The following TNS3 variants were observed in gnomAD, a reference collection of about 807,000 sequenced individuals.
The protein encoded by TNS3 is tensin-3.
TNS3 carries 45 observed loss-of-function variants against 140.9 expected under a neutral mutation model. That is an observed-to-expected ratio of 0.32 (90% CI 0.25 to 0.41). The LOEUF (loss-of-function observed/expected upper bound fraction) is 0.41, where lower values mean the gene tolerates loss of function less well. TNS3 is among the 10% of genes least tolerant of loss of function. The probability of loss-of-function intolerance (pLI) is 1.00; values close to 1 mark genes in which losing one functional copy is unlikely to be tolerated. For missense variants in TNS3, 1,716 were observed against 1,906.7 expected, an observed-to-expected ratio of 0.90 and a Z score of 1.86; for synonymous variants, 815 against 788.4, an observed-to-expected ratio of 1.03 and a Z score of -0.56.
intron 4 of TNS3, among the ~76,000 whole-genome samples, chr7:47,463,585 C>T (rs1421774785): frequency 6.6e-6 from 1 of 152,194 alleles, no homozygotes; most frequent in African/African-American, 2.4e-5. Context: ...CTGGACATCA[C>T]ATCAGCACTA....
At chr7:47,363,139 TCATCACCATCATCATCATCA>T (rs1790481964) in intron 17 of TNS3, among the ~76,000 whole-genome samples, 2 of 76,380 alleles carry the variant, frequency 2.6e-5, no homozygotes, top group Non-Finnish European at 6.2e-5. Flanking sequence ...ATCACTGTCA[TCATCACCATCATCATCATCA>T]GTCATCACCA....
rs769600842 is a variant in TNS3 at position 47,346,355 on chromosome 7, G to C, written c.2283C>G (p.Gly761=). Residue 761 remains glycine (G), a splice_region_variant and synonymous_variant, in exon 18 of 31, where the codon GGC becomes GGG. Transcript: ENST00000311160. ...CGCCCAGGGGCTGTTCAGCAGAGGAGCCTGTTAAAAGGGAGACAAGCAGGC... is the reference window on the plus strand; with the variant it reads ...CGCCCAGGGGCTGTTCAGCAGAGGACCCTGTTAAAAGGGAGACAAGCAGGC... ...EGPSRATGRQ[G]SSAEQPLGGR... is the part of the protein sequence containing the mutation. 2 of 1,614,038 alleles carry C rather than the reference G, an allele frequency of 1.2e-6. No individual in the cohort carries two copies. The highest frequency in any genetic ancestry group is 4.5e-5 in the East Asian group (2 of 44,876).
Position 47,369,170 on chromosome 7 carries a change from G to T in TNS3, c.1476C>A (p.Ser492Arg), listed in dbSNP as rs112067281. 1.9e-6 allele frequency: 3 copies of T among 1,614,144 alleles called. No homozygotes were observed. Among genetic ancestry groups the T allele is most frequent in the Non-Finnish European group, 2.5e-6 (3 of 1,180,034 alleles). Residue 492 changes from serine to arginine, a missense_variant, in exon 17 of 31, where the codon AGC becomes AGA. Around this residue, in one of 3 missense-constraint regions of TNS3, gnomAD observed 1,163 missense variants for 1,182.1 expected, o/e 0.98. Transcript: ENST00000311160. ...MPHHDLHSVD[S>R]LGTLSSSEGP... ...CTTCCGAGGAGGACAGGGTCCCAAG[G>T]CTGTCCACACTGTGCAGGTCGTGGT...
At chr7:47,544,985 G>C (rs966313351) in intron 1 of TNS3, among the ~76,000 whole-genome samples, 2 of 151,934 alleles carry the variant, frequency 1.3e-5, no homozygotes, top group African/African-American at 4.8e-5. Context: ...CACGATGTTA[G>C]GACTTACTCT....
In TNS3 at chr7:47,359,433, C is replaced by A. The variant is rs373524537; in HGVS notation, c.2281+8932G>T. Among the ~76,000 whole-genome samples the A allele has an allele frequency of 6.6e-5, 10 of 152,094 alleles. No homozygotes were observed. The South Asian group carries it at 1.0e-3, about 16-fold the overall frequency. On this transcript the variant is annotated intron_variant, in intron 17 of 30. Transcript: ENST00000311160. ...TGACTTCAGGGGGTATAAGGTTTCC[C>A]TTTGGGATGACGACAAATTTCTGAA...
chr7:47,372,643 C>T (rs754212121), intron 16 of TNS3, among the ~76,000 whole-genome samples: 2 of 152,138 alleles, frequency 1.3e-5, no homozygotes, highest in Non-Finnish European at 2.9e-5. Flanking sequence ...TTACCATTGA[C>T]TAAACACTCC....
chr7:47,487,893 C>T (rs934269173), intron 3 of TNS3, among the ~76,000 whole-genome samples: 4 of 152,202 alleles, frequency 2.6e-5, no homozygotes, highest in African/African-American at 9.6e-5. Flanking sequence ...TACTTTCTTT[C>T]CTAAGTCATA....
chr7:47,301,750 G>A (rs1786413765), intron 23 of TNS3, among the ~76,000 whole-genome samples: 1 of 152,104 alleles, frequency 6.6e-6, no homozygotes, highest in African/African-American at 2.4e-5. Flanking sequence ...GCTTATGTAG[G>A]TGTTCACAAA....
chr7:47,401,930 G>A (rs1039552513), intron 13 of TNS3, among the ~76,000 whole-genome samples: 4 of 152,214 alleles, frequency 2.6e-5, no homozygotes, highest in Admixed American at 6.5e-5. Context: ...CCCCAACCCC[G>A]AGGCTGTGGG....
At chr7:47,339,634 T>A (rs1243195490) in intron 20 of TNS3, among the ~76,000 whole-genome samples, 4 of 152,196 alleles carry the variant, frequency 2.6e-5, no homozygotes, top group Non-Finnish European at 5.9e-5. Context: ...TTCCTTCCAC[T>A]TAATTCTTTC....
intron 2 of TNS3, among the ~76,000 whole-genome samples, chr7:47,528,180 A>G (rs1342047279): frequency 2.0e-5 from 3 of 152,160 alleles, no homozygotes; most frequent in East Asian, 1.9e-4. Context: ...AAGAATCCCA[A>G]GAGCCCCTTA....
chr7:47,461,592 T>G (rs1019239296), intron 4 of TNS3, among the ~76,000 whole-genome samples: 9 of 152,254 alleles, frequency 5.9e-5, no homozygotes, highest in Admixed American at 2.0e-4. Context: ...GCATGCCCAC[T>G]GCATGCCTGA....
chr7:47,357,768 A>G (rs936835323), intron 17 of TNS3, among the ~76,000 whole-genome samples: 3 of 152,118 alleles, frequency 2.0e-5, no homozygotes, highest in African/African-American at 4.8e-5. Flanking sequence ...GAAGGGGGGA[A>G]TCCCATTTTT....
chr7:47,536,174 T>C (rs1562840667), intron 1 of TNS3, among the ~76,000 whole-genome samples: 3 of 152,228 alleles, frequency 2.0e-5, no homozygotes. Flanking sequence ...CACTAAACTT[T>C]AAAAGGGAAC....
rs767810729 is a variant in TNS3 at position 47,415,185 on chromosome 7, C to T, written c.495G>A (p.Gly165=). Residue 165 remains glycine, a synonymous_variant, in exon 11 of 31, where the codon GGG becomes GGA. Coordinates refer to ENST00000311160, the MANE Select transcript of TNS3 (RefSeq NM_022748.12). The part of the protein sequence containing the change: ...SQKRYVQFLS[G]LLSGSVKMNA... ...TCATTTTCACCGATCCGGACAGGAG[C>T]CCACTGAGGAACTGAACATACCTGC... 5.0e-6 allele frequency: 8 copies of T among 1,609,004 alleles called. No individual in the cohort carries two copies. The highest frequency in any genetic ancestry group is 8.5e-7 in the Non-Finnish European group (1 of 1,178,086).
intron 4 of TNS3, among the ~76,000 whole-genome samples, chr7:47,447,061 T>G (rs1258103275): frequency 6.6e-6 from 1 of 151,438 alleles, no homozygotes; most frequent in African/African-American, 2.4e-5. Context: ...ACTGGCCCCA[T>G]GGGCTCAATG....
intron 16 of TNS3, among the ~76,000 whole-genome samples, chr7:47,382,713 C>T (rs1791846305): frequency 6.6e-6 from 1 of 150,776 alleles, no homozygotes; most frequent in South Asian, 2.1e-4. Flanking sequence ...TGTACATACT[C>T]AAATCCTGCA....
chr7:47,556,363 C>T (rs1261696123), intron 1 of TNS3, among the ~76,000 whole-genome samples: 2 of 152,166 alleles, frequency 1.3e-5, no homozygotes, highest in Admixed American at 6.5e-5. Context: ...CTGAGACACA[C>T]TAAGGGCCAA....
In TNS3 at chr7:47,386,190, G is replaced by A. The variant is rs1792058992; in HGVS notation, c.1024+10610C>T. On this transcript the variant is annotated intron_variant, in intron 16 of 30. Transcript: ENST00000311160. ...TAAAGAAACACTAAACACATCTCTG[G>A]CTCTTGCTATGTGGAAGAAAACTTC... Among the ~76,000 whole-genome samples the A allele has an allele frequency of 2.6e-5, 4 of 152,306 alleles. 1 individual carries two copies. The South Asian group carries it at 8.3e-4, about 32-fold the overall frequency.
Sources: gnomAD v4.1 joint callset for allele counts (sites outside exome capture counted in the v4.1 genomes callset) on GRCh38, gnomAD v4.1.1 for gene constraint, gnomAD v4.1.1 regional missense constraint, MANE v1.5 for transcripts, NCBI Gene and HGNC (gene_info 2026-07-23, HGNC 2026-07-21) for gene names.